The following USP54 variants were observed in gnomAD, a reference collection of about 807,000 sequenced individuals.
The protein encoded by USP54 is ubiquitin specific peptidase 54, also known as ubiquitin carboxyl-terminal hydrolase 54.
A neutral mutation model predicts 170.5 loss-of-function variants in USP54; 87 were observed. The observed-to-expected ratio is 0.51, with a 90% CI of 0.43 to 0.61. USP54 has a LOEUF of 0.61. Among genes scored for constraint, USP54 ranks in the 20% least tolerant of loss-of-function variants. The pLI, the probability that USP54 is intolerant of heterozygous loss-of-function variation, is 0.00. For missense variants in USP54, 1,786 were observed against 2,047.8 expected (o/e 0.87, Z 2.47); for synonymous variants, 655 against 742.8 (o/e 0.88, Z 1.92).
In USP54 at chr10:73,520,132, A is replaced by G. The variant is rs988667739; in HGVS notation, c.2483-140T>C. The G allele has an allele frequency of 3.4e-5, 42 of 1,231,460 alleles. 1 individual carries two copies. Among genetic ancestry groups the G allele is most frequent in the Non-Finnish European group, 1.1e-6 (1 of 899,110 alleles). The allele number at this position is 1,231,460 out of a possible 1,614,324, so 76.3% of individuals were successfully genotyped here. A position where few individuals can be genotyped will look rare whatever the true frequency, so the allele number is the denominator to read the frequency against. On this transcript the variant is annotated intron_variant, in intron 18 of 23. Transcript: ENST00000687698. ...CAGGAACGCAAGGCATGGACCATGC[A>G]TATGCTGTCCAGGGCACACAGCTGC...
intron 21 of USP54, 89 bp from the exon 22 acceptor site, chr10:73,505,079 T>G: frequency 6.4e-7 from 1 of 1,573,084 alleles, no homozygotes; most frequent in South Asian, 1.1e-5. Context: ...TGGGAAAGAG[T>G]AGGGGAAGAC....
chr10:73,516,522 T>C lies in USP54; in HGVS notation c.3904A>G (p.Ile1302Val). 6.2e-7 allele frequency: 1 copy of C among 1,614,190 alleles called. No individual in the cohort carries two copies. Among genetic ancestry groups the C allele is most frequent in the Non-Finnish European group, 8.5e-7 (1 of 1,180,038 alleles). Reference protein sequence around the residue: ...TCVTYPERNHILLHPHWNQDT... With the variant: ...TCVTYPERNHVLLHPHWNQDT... ...TGGTTCCAATGTGGATGCAAAAGGA[T>C]GTGATTTCTCTCTGGATAGGTTACA... The change falls in exon 20 of 24, where the codon ATC becomes GTC. Residue 1302 changes from isoleucine to valine, a missense_variant. Ile to Val is a conservative substitution (Grantham distance 29). This residue lies in a region of USP54 where 1,418 missense variants were observed against 1,569.0 expected (regional missense o/e 0.90). Coordinates refer to ENST00000687698, the MANE Select transcript of USP54 (RefSeq NM_001391956.1).
At chr10:73,553,364 T>C (rs900563742) in intron 4 of USP54, 1 of 152,152 alleles carries the variant, frequency 6.6e-6, no homozygotes, top group Non-Finnish European at 1.5e-5. Flanking sequence ...GTATTAGGGG[T>C]AAAGCTGACT....
At chr10:73,510,527 C>T (rs2060042263) in intron 20 of USP54, among the ~76,000 whole-genome samples, 1 of 150,904 alleles carries the variant, frequency 6.6e-6, no homozygotes, top group African/African-American at 2.4e-5. Context: ...TCACTGCAAC[C>T]TCCATCTCCT....
At chr10:73,593,738 T>C (rs893444173), upstream of USP54, among the ~76,000 whole-genome samples, 3 of 152,214 alleles carry the variant, frequency 2.0e-5, no homozygotes, top group African/African-American at 7.2e-5. Context: ...AGAAAAATCC[T>C]TGGAGGGTAG....
intron 17 of USP54, 38 bp from the exon 18 acceptor site, chr10:73,521,065 AT>A: frequency 2.5e-6 from 4 of 1,610,530 alleles, no homozygotes; most frequent in Non-Finnish European, 3.4e-6. Context: ...ATTACAATTC[AT>A]TCCAAATTTT....
chr10:73,514,175 C>T (rs2133260969), intron 20 of USP54, among the ~76,000 whole-genome samples: 1 of 152,240 alleles, frequency 6.6e-6, no homozygotes, highest in African/African-American at 2.4e-5. Context: ...CCAGGATGGT[C>T]TCAATCTCCT....
chr10:73,588,520 A>G (rs1290598708), intron 1 of USP54, among the ~76,000 whole-genome samples: 1 of 152,216 alleles, frequency 6.6e-6, no homozygotes, highest in African/African-American at 2.4e-5. Context: ...CACCGCGCCC[A>G]GCCTGGGAAA....
chr10:73,575,505 C>G lies in USP54; in HGVS notation c.147+7G>C. 1 of 1,591,048 alleles carries G rather than the reference C, an allele frequency of 6.3e-7. No individual in the cohort carries two copies. The highest frequency in any genetic ancestry group is 1.2e-5 in the South Asian group (1 of 85,732). ...AAGTTCACCAAAAATAAAGAAATGA[C>G]CCTTACCTGCAGGGCACTGTTGAGG... On this transcript the variant is annotated splice_region_variant and intron_variant, in intron 3 of 23. Transcript: ENST00000687698.
At position 73,607,620 on chromosome 10, in the gene USP54, C is replaced by G. The variant is rs563681661; in HGVS notation, c.-18+17947G>C. The stretch of plus-strand genomic sequence containing the variant: ...CGGAGGAGGATGGAGAGCCTGAGCT[C>G]AGGAGTTCAAGATCACCCTGACCAA... On this transcript the variant is annotated intron_variant, in intron 1 of 22. Coordinates refer to the USP54 transcript ENST00000339859. Among the ~76,000 whole-genome samples, 8 of 150,882 alleles carry G rather than the reference C, an allele frequency of 5.3e-5. No homozygotes were observed. In the East Asian group the frequency reaches 1.4e-3, roughly 27 times the overall value.
chr10:73,578,387 G>C (rs1369377013), intron 1 of USP54, among the ~76,000 whole-genome samples: 1 of 152,088 alleles, frequency 6.6e-6, no homozygotes, highest in African/African-American at 2.4e-5. Flanking sequence ...TCACTACCTA[G>C]TTTTGTTTTT....
chr10:73,519,713 A>C, intron 19 of USP54, 84 bp downstream of exon 19: 20 of 1,582,328 alleles, frequency 1.3e-5, no homozygotes, highest in Non-Finnish European at 1.7e-5. Flanking sequence ...TCAGTCGCCA[A>C]GACAATGAGA....
intron 17 of USP54, among the ~76,000 whole-genome samples, chr10:73,523,161 CT>C (rs1412300352): frequency 6.6e-6 from 1 of 152,162 alleles, no homozygotes; most frequent in Non-Finnish European, 1.5e-5. Context: ...TGGCTTTGTT[CT>C]TGCTCCTGTT....
chr10:73,529,588 C>T (rs2063606966), intron 15 of USP54, 92 bp downstream of exon 15: 1 of 1,383,008 alleles, frequency 7.2e-7, no homozygotes, highest in Admixed American at 1.7e-5. Context: ...AAAGGCCATC[C>T]CTCCACTTGT....
intron 1 of USP54, among the ~76,000 whole-genome samples, chr10:73,622,757 A>G (rs2081192721): frequency 6.6e-6 from 1 of 151,916 alleles, no homozygotes; most frequent in East Asian, 2.0e-4. Flanking sequence ...GCTTGAGATC[A>G]GCATGGGCAA....
intron 3 of USP54, among the ~76,000 whole-genome samples, chr10:73,573,386 A>G (rs2075565097): frequency 6.6e-6 from 1 of 152,212 alleles, no homozygotes; most frequent in Admixed American, 6.5e-5. Flanking sequence ...AAATTTGGGT[A>G]ATAATTAGGG....
At chr10:73,601,207 C>T (rs2079139693) in intron 1 of USP54, among the ~76,000 whole-genome samples, 1 of 151,948 alleles carries the variant, frequency 6.6e-6, no homozygotes, top group South Asian at 2.1e-4. Context: ...TAAGTTCCAT[C>T]AATAAAAGCT....
chr10:73,582,554 G>C (rs1159243859), intron 1 of USP54, among the ~76,000 whole-genome samples: 2 of 152,110 alleles, frequency 1.3e-5, no homozygotes, highest in African/African-American at 4.8e-5. Context: ...ACCATGCCTG[G>C]CTATTTTTGT....
chr10:73,501,681 AG>A, intron 22 of USP54, among the ~76,000 whole-genome samples: 1 of 152,248 alleles, frequency 6.6e-6, no homozygotes, highest in East Asian at 1.9e-4. Context: ...GTGGCCTACA[AG>A]GTCCTGTGTG....
Sources: allele counts gnomAD v4.1 joint callset (sites outside exome capture counted in the v4.1 genomes callset), GRCh38; gene constraint gnomAD v4.1.1; regional missense constraint gnomAD v4.1.1; transcripts MANE v1.5; gene names NCBI Gene and HGNC (gene_info 2026-07-23, HGNC 2026-07-21).